The following PCDHGA3 variants were observed in gnomAD, a reference collection of about 807,000 sequenced individuals.
PCDHGA3 encodes protocadherin gamma-A3.
PCDHGA3 carries 40 observed loss-of-function variants against 58.5 expected under a neutral mutation model. The ratio of observed to expected loss-of-function variants is 0.68; its 90% CI spans 0.53 to 0.89. The LOEUF is 0.89. Among genes scored for constraint, PCDHGA3 ranks in the 40% least tolerant of loss-of-function variants. PCDHGA3 has a pLI of 0.00. For synonymous variants in PCDHGA3, 530 were observed against 525.7 expected, an observed-to-expected ratio of 1.01 and a Z score of -0.11; for missense variants, 1,223 against 1,195.9, an observed-to-expected ratio of 1.02 and a Z score of -0.33.
At chr5:141,413,572 A>C in intron 1 of PCDHGA3, 2 of 1,613,890 alleles carry the variant, frequency 1.2e-6, no homozygotes, top group Non-Finnish European at 1.7e-6. Context: ...TATCAATGAC[A>C]ATGCTCCAAA....
chr5:141,484,375 G>C (rs188702244), intron 1 of PCDHGA3, among the ~76,000 whole-genome samples: 2 of 152,258 alleles, frequency 1.3e-5, no homozygotes, highest in African/African-American at 4.8e-5. Flanking sequence ...ACTAGCAAAT[G>C]TCTGAATAAG....
chr5:141,415,953 T>C, intron 1 of PCDHGA3: 3 of 486,080 alleles, frequency 6.2e-6, no homozygotes, highest in Non-Finnish European at 9.4e-6. Context: ...TGGTCACATA[T>C]TGAAACTCCA....
chr5:141,412,918 G>A (rs893690519), intron 1 of PCDHGA3: 17 of 414,102 alleles, frequency 4.1e-5, no homozygotes, highest in Non-Finnish European at 5.5e-5. Context: ...TATCACTTGG[G>A]TGCAGTAACT....
chr5:141,354,535 T>C (rs1047820786), intron 1 of PCDHGA3, among the ~76,000 whole-genome samples: 3 of 152,200 alleles, frequency 2.0e-5, no homozygotes, highest in African/African-American at 7.2e-5. Flanking sequence ...TGCCCCAGGT[T>C]CTAGAGGGTC....
At chr5:141,371,946 C>T (rs200127619) in intron 1 of PCDHGA3, 98 of 1,613,142 alleles carry the variant, frequency 6.1e-5, no homozygotes, top group East Asian at 3.6e-4. Context: ...GTTCGCGCAG[C>T]GAGCCTTCGA....
In PCDHGA3 at chr5:141,481,831, G is replaced by A. The variant is rs35816779; in HGVS notation, c.2425-12976G>A. On this transcript the variant is annotated intron_variant, in intron 1 of 3. Coordinates refer to ENST00000253812, the MANE Select transcript of PCDHGA3 (RefSeq NM_018916.4). ...ACCAGGCGTGGTGGCTGAGGCAGGAGAATCGCTTGATGGTGGAGGTTGCAG... is the reference window on the plus strand; with the variant it reads ...ACCAGGCGTGGTGGCTGAGGCAGGAAAATCGCTTGATGGTGGAGGTTGCAG... Among the ~76,000 whole-genome samples the A allele has an allele frequency of 1.9e-3, 280 of 149,560 alleles. 1 individual carries two copies. The highest frequency in any genetic ancestry group is 0.01 in the Middle Eastern group (3 of 290).
At chr5:141,414,439 T>A in intron 1 of PCDHGA3, 1 of 1,613,874 alleles carries the variant, frequency 6.2e-7, no homozygotes, top group East Asian at 2.2e-5. Context: ...GGTATCCTCT[T>A]ACAATATCAC....
chr5:141,400,217 T>G, intron 1 of PCDHGA3: 1 of 1,614,034 alleles, frequency 6.2e-7, no homozygotes, highest in Non-Finnish European at 8.5e-7. Context: ...TTGATCTCAG[T>G]GCTCTTCCTC....
intron 1 of PCDHGA3, chr5:141,411,225 GC>G (rs1253575140): frequency 1.3e-5 from 2 of 152,092 alleles, no homozygotes; most frequent in African/African-American, 4.8e-5. Flanking sequence ...ATTCAAATTT[GC>G]GAAGACTTAG....
intron 1 of PCDHGA3, among the ~76,000 whole-genome samples, chr5:141,451,830 G>A (rs940668278): frequency 6.6e-5 from 10 of 151,238 alleles, no homozygotes; most frequent in East Asian, 1.9e-4. Flanking sequence ...ACAGTGAGCC[G>A]AGATCACACC....
chr5:141,376,249 A>G (rs1433359020), intron 1 of PCDHGA3: 1 of 1,614,042 alleles, frequency 6.2e-7, no homozygotes, highest in Non-Finnish European at 8.5e-7. Context: ...GGCACAAGTC[A>G]CGCCTGCTGC....
intron 3 of PCDHGA3, among the ~76,000 whole-genome samples, chr5:141,510,034 T>A (rs2099879281): frequency 6.6e-6 from 1 of 152,156 alleles, no homozygotes; most frequent in Non-Finnish European, 1.5e-5. Flanking sequence ...TGGGCTGTTA[T>A]GTAGAGGTTA....
intron 1 of PCDHGA3, among the ~76,000 whole-genome samples, chr5:141,456,702 C>A (rs1185842343): frequency 6.6e-6 from 1 of 152,062 alleles, no homozygotes; most frequent in African/African-American, 2.4e-5. Flanking sequence ...TGGTGGCTCG[C>A]GCCTGTAATC....
At chr5:141,364,180 C>G (rs1476637020) in intron 1 of PCDHGA3, 2 of 899,976 alleles carry the variant, frequency 2.2e-6, no homozygotes, top group African/African-American at 3.4e-5. Context: ...TCTGCTCCCT[C>G]CATACTAAAC....
chr5:141,392,759 T>C, intron 1 of PCDHGA3: 1 of 1,473,194 alleles, frequency 6.8e-7, no homozygotes, highest in Non-Finnish European at 9.0e-7. Flanking sequence ...AGAAACTAAA[T>C]AAGACCCATT....
intron 1 of PCDHGA3, chr5:141,408,760 C>T: frequency 6.2e-7 from 1 of 1,610,404 alleles, no homozygotes. Flanking sequence ...GAGTTAATTC[C>T]GATGGTGGCA....
chr5:141,351,647 C>A (rs566032831), intron 1 of PCDHGA3: 2 of 1,614,058 alleles, frequency 1.2e-6, no homozygotes, highest in Non-Finnish European at 1.7e-6. Flanking sequence ...GAACAACCCA[C>A]CTGGCGCCTC....
At chr5:141,471,302 C>T (rs111827070) in intron 1 of PCDHGA3, 9,302 of 152,168 alleles carry the variant, frequency 0.061, 339 homozygotes, top group South Asian at 0.12. Flanking sequence ...CCACCCAACT[C>T]GGCCTCCCAA....
intron 1 of PCDHGA3, among the ~76,000 whole-genome samples, chr5:141,471,855 G>A (rs955016680): frequency 3.3e-5 from 5 of 152,108 alleles, no homozygotes; most frequent in Non-Finnish European, 7.4e-5. Context: ...TTCAGAAAAA[G>A]CAAAACTGTG....
Sources: allele counts gnomAD v4.1 joint callset (sites outside exome capture counted in the v4.1 genomes callset), GRCh38; gene constraint gnomAD v4.1.1; transcripts MANE v1.5; gene names NCBI Gene and HGNC (gene_info 2026-07-23, HGNC 2026-07-21).